LIPC: variants seen among roughly 807,000 people sequenced by gnomAD.
LIPC encodes hepatic triacylglycerol lipase.
A neutral mutation model predicts 50.7 loss-of-function variants in LIPC; 44 were observed. That is an observed-to-expected ratio of 0.87 (90% CI 0.68 to 1.11). LIPC has a LOEUF of 1.11. Among genes scored for constraint, LIPC ranks in the 50% most tolerant of loss-of-function variants. The pLI is 0.00. For missense variants in LIPC, 697 were observed against 648.2 expected, an observed-to-expected ratio of 1.08 and a Z score of -0.82; for synonymous variants, 271 against 256.4, an observed-to-expected ratio of 1.06 and a Z score of -0.54.
intron 6 of LIPC, among the ~76,000 whole-genome samples, chr15:58,555,543 A>G (rs1893912413): frequency 6.6e-6 from 1 of 152,252 alleles, no homozygotes; most frequent in South Asian, 2.1e-4. Flanking sequence ...CCACTGAACT[A>G]TCTGGATAAC....
intron 2 of LIPC, 102 bp downstream of exon 2, chr15:58,538,619 A>G: frequency 9.0e-7 from 1 of 1,109,350 alleles, no homozygotes; most frequent in South Asian, 1.3e-5. Context: ...TGGTGATAAC[A>G]ACTCCATGCA....
At chr15:58,439,458 T>G (rs1196256213) in intron 1 of LIPC, among the ~76,000 whole-genome samples, 2 of 152,226 alleles carry the variant, frequency 1.3e-5, no homozygotes, top group African/African-American at 4.8e-5. Flanking sequence ...TGTTTGTTTT[T>G]CCTGAGACGG....
At chr15:58,543,636 G>A (rs1893416954) in intron 4 of LIPC, among the ~76,000 whole-genome samples, 1 of 152,102 alleles carries the variant, frequency 6.6e-6, no homozygotes, top group African/African-American at 2.4e-5. Flanking sequence ...ATCAAGTGAG[G>A]ACATTTTTTT....
chr15:58,558,772 G>A (rs1185494514), intron 6 of LIPC, among the ~76,000 whole-genome samples: 2 of 152,190 alleles, frequency 1.3e-5, no homozygotes, highest in African/African-American at 4.8e-5. Context: ...GACTGCTGGT[G>A]TATAGGGTAC....
rs780563381 is a variant in LIPC, at chr15:58,529,156, CAAAT to C, written c.89-9173_89-9170del. 1.1e-3 allele frequency among the ~76,000 whole-genome samples: 171 copies of C among 152,254 alleles called. 1 individual carries two copies. Among genetic ancestry groups the C allele is most frequent in the Non-Finnish European group, 1.5e-3 (101 of 68,016 alleles). On this transcript the variant is annotated intron_variant, in intron 1 of 8. Coordinates refer to ENST00000299022, the MANE Select transcript of LIPC (RefSeq NM_000236.3). ...CAGGAGCTAGATAGTCATGATATATCAAATAAAGTTTTGGAACAAGAACACAATG... is the reference window on the plus strand; with the variant it reads ...CAGGAGCTAGATAGTCATGATATATCAAAGTTTTGGAACAAGAACACAATG...
chr15:58,546,105 C>A, intron 5 of LIPC, 130 bp downstream of exon 5: 1 of 792,860 alleles, frequency 1.3e-6, no homozygotes, highest in Non-Finnish European at 2.1e-6. Flanking sequence ...GGTGTATGGT[C>A]ACCAAGCCCA....
chr15:58,542,000 C>A, intron 3 of LIPC, 33 bp downstream of exon 3: 1 of 1,585,776 alleles, frequency 6.3e-7, no homozygotes, highest in Non-Finnish European at 8.6e-7. Flanking sequence ...CTTCACCTCC[C>A]TTCCCTCCTT....
chr15:58,508,364 G>C (rs1283655170), intron 1 of LIPC, among the ~76,000 whole-genome samples: 1 of 152,108 alleles, frequency 6.6e-6, no homozygotes, highest in Non-Finnish European at 1.5e-5. Flanking sequence ...GTCAAATTAA[G>C]CCGATCATCC....
chr15:58,535,590 G>C (rs1179004736), intron 1 of LIPC, among the ~76,000 whole-genome samples: 1 of 152,164 alleles, frequency 6.6e-6, no homozygotes, highest in Admixed American at 6.5e-5. Context: ...GACAGAATTG[G>C]TCCTATGAGG....
chr15:58,533,334 C>T (rs1479928715), intron 1 of LIPC: 1 of 191,176 alleles, frequency 5.2e-6, no homozygotes, highest in Non-Finnish European at 9.6e-6. Flanking sequence ...TGGAAAAGTG[C>T]CTGGCACAGA....
intron 1 of LIPC, among the ~76,000 whole-genome samples, chr15:58,475,551 G>A (rs1339026099): frequency 6.6e-6 from 1 of 152,048 alleles, no homozygotes; most frequent in African/African-American, 2.4e-5. Context: ...AGAAACAAAG[G>A]TGACTGTCCC....
At chr15:58,475,800 G>A (rs1161196378) in intron 1 of LIPC, among the ~76,000 whole-genome samples, 3 of 152,172 alleles carry the variant, frequency 2.0e-5, no homozygotes, top group Admixed American at 6.5e-5. Context: ...CTCAGGGCAG[G>A]GTCCAGACTT....
At chr15:58,446,224 C>T (rs12914626) in intron 1 of LIPC, among the ~76,000 whole-genome samples, 81,381 of 151,826 alleles carry the variant, frequency 0.54, 24,297 homozygotes, top group Non-Finnish European at 0.7. Context: ...TTTTTTGAGA[C>T]AGAGTCTCAC....
intron 2 of LIPC, among the ~76,000 whole-genome samples, 153 bp downstream of exon 2, chr15:58,538,670 C>G (rs1893223642): frequency 6.6e-6 from 1 of 152,196 alleles, no homozygotes; most frequent in African/African-American, 2.4e-5. Flanking sequence ...AAGTGCTTCC[C>G]CACGCATTAG....
intron 7 of LIPC, among the ~76,000 whole-genome samples, chr15:58,562,814 C>CCCCA (rs1555407532): frequency 3.4e-4 from 51 of 150,750 alleles, no homozygotes; most frequent in Non-Finnish European, 3.4e-4. Flanking sequence ...GACCCCCCCC[C>CCCCA]AACCCCACCA....
At chr15:58,565,079 G>T in intron 8 of LIPC, 2 of 933,896 alleles carry the variant, frequency 2.1e-6, no homozygotes, top group Non-Finnish European at 3.3e-6. Flanking sequence ...GCAGATGTAT[G>T]CCCCTGAGTC....
At chr15:58,550,824 AC>A (rs1893727865) in intron 6 of LIPC, among the ~76,000 whole-genome samples, 2 of 60,774 alleles carry the variant, frequency 3.3e-5, no homozygotes, top group African/African-American at 1.3e-4. Context: ...TTTCTTTCTT[AC>A]TTTTTTTTTT....
chr15:58,445,423 G>A (rs998719614), intron 1 of LIPC, among the ~76,000 whole-genome samples: 5 of 152,210 alleles, frequency 3.3e-5, no homozygotes, highest in Admixed American at 2.6e-4. Context: ...GGCCAAGGCC[G>A]GCTGCCACTT....
At chr15:58,536,946 G>C (rs527748225) in intron 1 of LIPC, among the ~76,000 whole-genome samples, 1 of 152,262 alleles carries the variant, frequency 6.6e-6, no homozygotes, top group Admixed American at 6.5e-5. Context: ...GAAACCAAAA[G>C]CCCAAGACAT....
Sources: gnomAD v4.1 joint callset for allele counts (sites outside exome capture counted in the v4.1 genomes callset) on GRCh38, gnomAD v4.1.1 for gene constraint, MANE v1.5 for transcripts, NCBI Gene and HGNC (gene_info 2026-07-23, HGNC 2026-07-21) for gene names.